The following SHISA9 variants were observed in gnomAD, a reference collection of about 807,000 sequenced individuals.
SHISA9 encodes protein shisa-9.
A neutral mutation model predicts 38.0 loss-of-function variants in SHISA9; 13 were observed. The observed-to-expected ratio is 0.34, with a 90% CI of 0.22 to 0.54. The LOEUF (loss-of-function observed/expected upper bound fraction) is 0.54. Ranked by LOEUF, SHISA9 falls within the 20% of genes least tolerant of loss-of-function variation. The pLI is 0.91. For synonymous variants in SHISA9, 275 were observed against 242.0 expected (o/e 1.14, Z -1.27); for missense variants, 538 against 575.8 (o/e 0.93, Z 0.67).
the SHISA9 span, among the ~76,000 whole-genome samples, chr16:13,386,769 C>G: frequency 1.3e-5 from 2 of 152,164 alleles, no homozygotes; most frequent in Non-Finnish European, 2.9e-5. Context: ...CAGTAAATAT[C>G]AAACTGTCTC....
At chr16:12,973,726 A>G (rs749983225) in intron 2 of SHISA9, among the ~76,000 whole-genome samples, 5 of 152,158 alleles carry the variant, frequency 3.3e-5, no homozygotes, top group Non-Finnish European at 7.3e-5. Context: ...AACTATAAAT[A>G]TTTACATTAA....
chr16:13,486,859 C>T, the SHISA9 span, among the ~76,000 whole-genome samples: 2,045 of 152,286 alleles, frequency 0.013, 54 homozygotes, highest in African/African-American at 0.046. Flanking sequence ...CATGCGCCAC[C>T]GCACCCAGCT....
the SHISA9 span, among the ~76,000 whole-genome samples, chr16:13,397,258 T>G: frequency 6.6e-6 from 1 of 152,162 alleles, no homozygotes; most frequent in Non-Finnish European, 1.5e-5. Context: ...CTGGCAGGGC[T>G]TGTAATGGGG....
At chr16:13,308,600 C>G in the SHISA9 span, among the ~76,000 whole-genome samples, 5 of 152,286 alleles carry the variant, frequency 3.3e-5, no homozygotes, top group African/African-American at 9.6e-5. Flanking sequence ...AATTCTATCC[C>G]ACTCCCACCA....
At chr16:13,081,328 G>A (rs1264026194) in intron 2 of SHISA9, among the ~76,000 whole-genome samples, 2 of 152,296 alleles carry the variant, frequency 1.3e-5, no homozygotes, top group African/African-American at 4.8e-5. Flanking sequence ...TTTAGCACGG[G>A]AAGATGATGA....
At chr16:13,082,992 G>C (rs550181291) in intron 2 of SHISA9, among the ~76,000 whole-genome samples, 12 of 152,252 alleles carry the variant, frequency 7.9e-5, no homozygotes, top group Non-Finnish European at 1.3e-4. Flanking sequence ...CTCCAGGTTT[G>C]CCTGGAGTTT....
At chr16:13,321,141 A>G in the SHISA9 span, among the ~76,000 whole-genome samples, 72 of 152,340 alleles carry the variant, frequency 4.7e-4, no homozygotes, top group African/African-American at 1.4e-3. Context: ...AATTCTGGAA[A>G]TCCACAATGA....
the SHISA9 span, among the ~76,000 whole-genome samples, chr16:13,456,068 A>T: frequency 6.6e-6 from 1 of 152,182 alleles, no homozygotes; most frequent in African/African-American, 2.4e-5. Flanking sequence ...TTGTCCTAGG[A>T]GAGACATACA....
At chr16:13,423,223 T>C in the SHISA9 span, among the ~76,000 whole-genome samples, 1 of 152,222 alleles carries the variant, frequency 6.6e-6, no homozygotes, top group African/African-American at 2.4e-5. Context: ...AGTGAAGGCT[T>C]CAATATTCCA....
chr16:13,234,932 T>A, intron 4 of SHISA9, 98 bp from the exon 5 acceptor site: 1 of 1,400,276 alleles, frequency 7.1e-7, no homozygotes, highest in South Asian at 1.5e-5. Flanking sequence ...TTTATGCTGT[T>A]CTTGGGTTGA....
chr16:13,362,472 CGTG>C, the SHISA9 span, among the ~76,000 whole-genome samples: 1 of 151,870 alleles, frequency 6.6e-6, no homozygotes, highest in Non-Finnish European at 1.5e-5. Flanking sequence ...AAAACAAAAA[CGTG>C]GTGATGGCAA....
chr16:13,406,459 C>A, the SHISA9 span, among the ~76,000 whole-genome samples: 2 of 152,094 alleles, frequency 1.3e-5, no homozygotes, highest in South Asian at 4.1e-4. Flanking sequence ...GAATGTTAAT[C>A]CCTAAGAAAT....
the SHISA9 span, among the ~76,000 whole-genome samples, chr16:13,529,558 A>G: frequency 6.6e-6 from 1 of 152,224 alleles, no homozygotes. Context: ...ACACAAAGTT[A>G]CAGTCCAACT....
the SHISA9 span, among the ~76,000 whole-genome samples, chr16:13,460,934 C>G: frequency 6.6e-6 from 1 of 152,190 alleles, no homozygotes; most frequent in Non-Finnish European, 1.5e-5. Context: ...ATGAGCACAC[C>G]CATCCTTGTC....
intron 2 of SHISA9, among the ~76,000 whole-genome samples, chr16:13,138,987 A>C (rs2141994031): frequency 6.6e-6 from 1 of 152,210 alleles, no homozygotes; most frequent in Non-Finnish European, 1.5e-5. Flanking sequence ...GAGGGGAGGA[A>C]GATGTAGCTG....
At chr16:13,221,422 G>T (rs947155930) in intron 4 of SHISA9, among the ~76,000 whole-genome samples, 1 of 144,402 alleles carries the variant, frequency 6.9e-6, no homozygotes, top group African/African-American at 2.6e-5. Flanking sequence ...TTCAAAAGAA[G>T]AGAGAAATAC....
At chr16:12,916,293 A>G (rs1385155288) in intron 1 of SHISA9, among the ~76,000 whole-genome samples, 5 of 152,226 alleles carry the variant, frequency 3.3e-5, no homozygotes. Flanking sequence ...CAAATACTCA[A>G]TAAATGTTAT....
At chr16:13,108,388 C>A (rs1415551631) in intron 2 of SHISA9, among the ~76,000 whole-genome samples, 1 of 152,164 alleles carries the variant, frequency 6.6e-6, no homozygotes, top group Non-Finnish European at 1.5e-5. Flanking sequence ...CCTTGGCTTC[C>A]TGAGTCGCTG....
intron 2 of SHISA9, among the ~76,000 whole-genome samples, chr16:13,111,770 C>G (rs1258123527): frequency 6.6e-6 from 1 of 152,118 alleles, no homozygotes; most frequent in South Asian, 2.1e-4. Context: ...TTGCCTCTCC[C>G]CAAAGATTTG....
Sources: gnomAD v4.1 joint callset for allele counts (sites outside exome capture counted in the v4.1 genomes callset) on GRCh38, gnomAD v4.1.1 for gene constraint, MANE v1.5 for transcripts, NCBI Gene and HGNC (gene_info 2026-07-23, HGNC 2026-07-21) for gene names.